Variants in KAZN observed in about 807,000 individuals in gnomAD.
KAZN encodes kazrin.
Under a neutral mutation model 87.4 loss-of-function variants are expected in KAZN, and 40 were observed. That is an observed-to-expected ratio of 0.46 (90% CI 0.36 to 0.60). The LOEUF (loss-of-function observed/expected upper bound fraction) is 0.60. Among genes scored for constraint, KAZN ranks in the 20% least tolerant of loss-of-function variants. The probability of loss-of-function intolerance (pLI) is 0.00; values close to 1 mark genes in which losing one functional copy is unlikely to be tolerated. For synonymous variants in KAZN, 466 were observed against 458.3 expected (o/e 1.02, Z -0.22); for missense variants, 898 against 1,073.9 (o/e 0.84, Z 2.29).
rs539888051 is a variant in KAZN, at chr1:14,080,673, C to T, written c.92-99762C>T. On this transcript the variant is annotated intron_variant, in intron 1 of 16. Coordinates refer to the KAZN transcript ENST00000636203. Reference sequence around the variant, plus strand: ...ATGCATAACATGCGGTTGATGCTGGCGTGAGCGTTTTCTGCATGACTCTTT... The same window carrying T: ...ATGCATAACATGCGGTTGATGCTGGTGTGAGCGTTTTCTGCATGACTCTTT... 7.9e-5 allele frequency among the ~76,000 whole-genome samples: 12 copies of T among 152,298 alleles called. No homozygotes were observed. The South Asian group carries it at 8.3e-4, about 11-fold the overall frequency.
At chr1:14,078,204 C>G (rs1031500783) in intron 1 of KAZN, among the ~76,000 whole-genome samples, 1 of 152,202 alleles carries the variant, frequency 6.6e-6, no homozygotes, top group Admixed American at 6.5e-5. Flanking sequence ...CTGATGTACA[C>G]TCTTGCCACT....
chr1:14,900,554 C>T (rs939487368), intron 1 of KAZN, among the ~76,000 whole-genome samples: 18 of 151,968 alleles, frequency 1.2e-4, no homozygotes, highest in African/African-American at 4.1e-4. Flanking sequence ...GAGATCGAGA[C>T]CATTCTGGTT....
At chr1:15,090,260 A>G (rs1640469677) in intron 8 of KAZN, among the ~76,000 whole-genome samples, 1 of 152,194 alleles carries the variant, frequency 6.6e-6, no homozygotes, top group African/African-American at 2.4e-5. Flanking sequence ...ATTTGGCCAC[A>G]TATCACCTCT....
chr1:14,454,894 G>A (rs1034627459), intron 2 of KAZN, among the ~76,000 whole-genome samples: 8 of 152,180 alleles, frequency 5.3e-5, no homozygotes, highest in African/African-American at 1.9e-4. Flanking sequence ...AGGAATCTGG[G>A]TGTGGCTCAA....
chr1:14,169,810 A>G (rs1162425391), intron 1 of KAZN, among the ~76,000 whole-genome samples: 1 of 152,186 alleles, frequency 6.6e-6, no homozygotes, highest in Non-Finnish European at 1.5e-5. Context: ...TATCAAGTAA[A>G]TATGGCTTTG....
intron 1 of KAZN, among the ~76,000 whole-genome samples, chr1:14,162,232 A>T (rs1188067914): frequency 2.0e-5 from 3 of 152,212 alleles, no homozygotes; most frequent in Admixed American, 2.0e-4. Context: ...GGGGATCCAT[A>T]GACCACTTTT....
chr1:14,309,827 C>A (rs563382850), intron 2 of KAZN, among the ~76,000 whole-genome samples: 3 of 152,092 alleles, frequency 2.0e-5, no homozygotes, highest in East Asian at 3.9e-4. Context: ...CCACCTTGGC[C>A]TCCCAAAGTG....
intron 1 of KAZN, among the ~76,000 whole-genome samples, chr1:14,917,551 T>C (rs1657943639): frequency 1.3e-5 from 2 of 152,216 alleles, no homozygotes; most frequent in Non-Finnish European, 2.9e-5. Flanking sequence ...CCAGGCCCCA[T>C]GCAGAGCTTT....
chr1:13,995,834 A>G (rs1639488033), intron 1 of KAZN, among the ~76,000 whole-genome samples: 1 of 152,322 alleles, frequency 6.6e-6, no homozygotes, highest in Non-Finnish European at 1.5e-5. Flanking sequence ...TCATGTCTCA[A>G]GCATTTTTCC....
chr1:14,070,694 G>A (rs567157889), intron 1 of KAZN, among the ~76,000 whole-genome samples: 1 of 152,292 alleles, frequency 6.6e-6, no homozygotes, highest in South Asian at 2.1e-4. Context: ...TACACGTATG[G>A]CTTTCAAGGT....
chr1:14,293,375 T>C (rs749604192), intron 2 of KAZN, among the ~76,000 whole-genome samples: 1 of 152,218 alleles, frequency 6.6e-6, no homozygotes, highest in Non-Finnish European at 1.5e-5. Context: ...ATCTTTAGTT[T>C]CTGTGCTTTC....
At chr1:14,119,225 T>C (rs912894490) in intron 1 of KAZN, among the ~76,000 whole-genome samples, 1 of 152,164 alleles carries the variant, frequency 6.6e-6, no homozygotes, top group Non-Finnish European at 1.5e-5. Context: ...CCCATGGGTC[T>C]GTAGGGGAGC....
chr1:15,101,621 C>G lies in KAZN; in HGVS notation c.1626C>G (p.Ser542=), dbSNP rs112235257. 9.5e-4 allele frequency: 1,480 copies of G among 1,560,144 alleles called. 18 individuals are homozygous for G. The African/African-American group carries it at 0.018, about 19-fold the overall frequency. The change falls in exon 11 of 15, where the codon TCC becomes TCG. Residue 542 remains serine, a synonymous_variant. Transcript: ENST00000376030. ...ATGACATTGGCCTGTCCCAGTACTC[C>G]CAGGCCTTTCAGAACCACCTGGTTG... ...WLNDIGLSQY[S]QAFQNHLVDG...
At chr1:14,034,773 A>G (rs931561327) in intron 1 of KAZN, among the ~76,000 whole-genome samples, 3 of 152,154 alleles carry the variant, frequency 2.0e-5, no homozygotes, top group African/African-American at 4.8e-5. Flanking sequence ...CATCAATCCA[A>G]TCCAATGATT....
chr1:14,017,287 C>G (rs1408538527), intron 1 of KAZN, among the ~76,000 whole-genome samples: 4 of 152,216 alleles, frequency 2.6e-5, no homozygotes, highest in African/African-American at 9.6e-5. Flanking sequence ...GCAAAAGACT[C>G]AGAGCCCTCA....
chr1:14,490,575 C>T (rs1374409920), intron 2 of KAZN, among the ~76,000 whole-genome samples: 3 of 152,098 alleles, frequency 2.0e-5, no homozygotes, highest in Non-Finnish European at 4.4e-5. Flanking sequence ...TCACTGCAAC[C>T]TCCGCTTCCC....
rs531648918 is a variant in KAZN, at chr1:15,099,136, C to T, written c.1548-2407C>T. 1.6e-4 allele frequency among the ~76,000 whole-genome samples: 25 copies of T among 152,186 alleles called. No individual in the cohort carries two copies. Among genetic ancestry groups the T allele is most frequent in the South Asian group, 4.2e-4 (2 of 4,814 alleles). Reference sequence around the variant, plus strand: ...AAGAGGGTGGGGTAGAGGACAGGCCCGGAGACAAGGGGGTCCCAGTGGACC... The same window carrying T: ...AAGAGGGTGGGGTAGAGGACAGGCCTGGAGACAAGGGGGTCCCAGTGGACC... On this transcript the variant is annotated intron_variant, in intron 10 of 14. Coordinates refer to ENST00000376030, the MANE Select transcript of KAZN (RefSeq NM_201628.3). This position sits in a 1 kb window ranked among gnomAD's most constrained non-coding sequence, Gnocchi z 5.4.
rs140347677 is a variant in KAZN at position 14,401,037 on chromosome 1, G to A, written c.250-197946G>A. ...CCAAAAACAAGGAAGCATAAATGCT[G>A]TAAGCATGGTGTGAACACAATGGTC... is the stretch of plus-strand genomic sequence containing the variant. On this transcript the variant is annotated intron_variant, in intron 2 of 16. Coordinates refer to the KAZN transcript ENST00000636203. Among the ~76,000 whole-genome samples, 17 of 152,316 alleles carry A rather than the reference G, an allele frequency of 1.1e-4. No individual in the cohort carries two copies. The East Asian group carries it at 2.3e-3, about 21-fold the overall frequency.
intron 1 of KAZN, among the ~76,000 whole-genome samples, chr1:14,618,532 G>A (rs1337377129): frequency 6.6e-6 from 1 of 152,214 alleles, no homozygotes; most frequent in Non-Finnish European, 1.5e-5. Flanking sequence ...GTACCTAGAA[G>A]GGACAAGGCA....
Sources: gnomAD v4.1 joint callset for allele counts (sites outside exome capture counted in the v4.1 genomes callset) on GRCh38, gnomAD v4.1.1 for gene constraint, Gnocchi (gnomAD v3.1) non-coding constraint, MANE v1.5 for transcripts, NCBI Gene and HGNC (gene_info 2026-07-23, HGNC 2026-07-21) for gene names.